Variants in OSBPL6 observed in about 807,000 individuals in gnomAD.
OSBPL6 encodes the protein oxysterol binding protein like 6.
A neutral mutation model predicts 125.8 loss-of-function variants in OSBPL6; 49 were observed. That is an observed-to-expected ratio of 0.39 (90% confidence interval 0.31 to 0.49). The LOEUF (loss-of-function observed/expected upper bound fraction) is 0.49. Among genes scored for constraint, OSBPL6 ranks in the 20% least tolerant of loss-of-function variants. The probability of loss-of-function intolerance (pLI) is 0.88; values close to 1 mark genes in which losing one functional copy is unlikely to be tolerated. For synonymous variants in OSBPL6, 394 were observed against 391.8 expected, an observed-to-expected ratio of 1.01 and a Z score of -0.07; for missense variants, 986 against 1,135.4, an observed-to-expected ratio of 0.87 and a Z score of 1.89.
intron 2 of OSBPL6, among the ~76,000 whole-genome samples, chr2:178,295,663 C>T (rs1685682300): frequency 6.6e-6 from 1 of 152,026 alleles, no homozygotes; most frequent in African/African-American, 2.4e-5. Flanking sequence ...GATTAGTGGA[C>T]AATGGAAGTC....
intron 12 of OSBPL6, among the ~76,000 whole-genome samples, chr2:178,355,891 G>A (rs1691737169): frequency 6.6e-6 from 1 of 152,156 alleles, no homozygotes; most frequent in South Asian, 2.1e-4. Context: ...TATCCACCAC[G>A]ATCAAGTCAG....
At chr2:178,206,311 G>C (rs1434260752) in intron 1 of OSBPL6, among the ~76,000 whole-genome samples, 1 of 152,198 alleles carries the variant, frequency 6.6e-6, no homozygotes, top group African/African-American at 2.4e-5. Flanking sequence ...TGTGTGGTTA[G>C]GGATTATGAG....
intron 20 of OSBPL6, among the ~76,000 whole-genome samples, 166 bp downstream of exon 20, chr2:178,387,305 T>A (rs570500127): frequency 6.6e-6 from 1 of 152,344 alleles, no homozygotes; most frequent in East Asian, 1.9e-4. Context: ...AAATGAGAAC[T>A]TAAGCATATG....
intron 1 of OSBPL6, among the ~76,000 whole-genome samples, chr2:178,234,107 A>G (rs2090949995): frequency 6.6e-6 from 1 of 152,210 alleles, no homozygotes; most frequent in Non-Finnish European, 1.5e-5. Context: ...TATTTTCATA[A>G]CAGTTCTTAA....
rs566147544 is a variant in OSBPL6, at chr2:178,286,521, G to A, written c.-156+1400G>A. 3.3e-5 allele frequency among the ~76,000 whole-genome samples: 5 copies of A among 152,316 alleles called. No individual in the cohort carries two copies. In the East Asian group the frequency reaches 7.7e-4, roughly 23 times the overall value. Reference sequence around the variant, plus strand: ...TGAGAAGCTGACACTTGCCAGCCAGGCTTACCTATGAAGTAAGAAGACTTT... The same window carrying A: ...TGAGAAGCTGACACTTGCCAGCCAGACTTACCTATGAAGTAAGAAGACTTT... On this transcript the variant is annotated intron_variant, in intron 2 of 24. Transcript: ENST00000190611.
At chr2:178,276,075 T>A (rs187612253) in intron 1 of OSBPL6, among the ~76,000 whole-genome samples, 5 of 152,312 alleles carry the variant, frequency 3.3e-5, no homozygotes, top group Admixed American at 3.3e-4. Flanking sequence ...TAAGCTTTGA[T>A]GATAGGATTT....
chr2:178,386,718 CACACAG>C (rs1330407941), intron 19 of OSBPL6, among the ~76,000 whole-genome samples: 35 of 124,268 alleles, frequency 2.8e-4, no homozygotes, highest in African/African-American at 9.8e-4. Context: ...TGAATACACA[CACACAG>C]ACACACACAC....
chr2:178,228,513 T>C (rs577218352), intron 1 of OSBPL6, among the ~76,000 whole-genome samples: 16 of 152,250 alleles, frequency 1.1e-4, no homozygotes, highest in Non-Finnish European at 2.1e-4. Context: ...CCGGCCAGGG[T>C]GACAGAGCGA....
intron 2 of OSBPL6, among the ~76,000 whole-genome samples, chr2:178,295,077 C>G (rs1685628005): frequency 6.6e-6 from 1 of 151,910 alleles, no homozygotes. Context: ...AAACAAGTTC[C>G]TCTTTTATCT....
intron 2 of OSBPL6, among the ~76,000 whole-genome samples, chr2:178,288,032 A>G (rs916734882): frequency 2.0e-5 from 3 of 151,946 alleles, no homozygotes; most frequent in Non-Finnish European, 1.5e-5. Context: ...GTGGAAGAGG[A>G]GAAAGAGTAT....
chr2:178,353,387 T>C (rs988962280), intron 12 of OSBPL6, among the ~76,000 whole-genome samples: 4 of 152,106 alleles, frequency 2.6e-5, no homozygotes, highest in African/African-American at 4.8e-5. Context: ...ATAAATAGTG[T>C]GGAGAGGACC....
rs12478760 is a variant in OSBPL6, at chr2:178,320,324, A to G, written c.103-3853A>G. 0.2 allele frequency: 317,379 copies of G among 1,612,314 alleles called. 33,421 individuals are homozygous for G. The highest frequency in any genetic ancestry group is 0.41 in the Admixed American group (24,350 of 59,974). ...TATTTTTACCAAATTAAAGAGCTAC[A>G]GTGAAATATGTGTTCCAGGTTCCTG... On this transcript the variant is annotated intron_variant, in intron 3 of 24. Transcript: ENST00000190611.
intron 2 of OSBPL6, among the ~76,000 whole-genome samples, chr2:178,298,474 A>G (rs918044885): frequency 2.0e-5 from 3 of 152,164 alleles, no homozygotes; most frequent in Non-Finnish European, 4.4e-5. Context: ...CCCAGGCTGG[A>G]GTGCAGTGGC....
intron 2 of OSBPL6, among the ~76,000 whole-genome samples, chr2:178,299,973 C>T (rs1451239710): frequency 2.0e-5 from 3 of 152,090 alleles, no homozygotes; most frequent in African/African-American, 7.2e-5. Flanking sequence ...TAATGAGGTT[C>T]CTCCAAATTC....
Position 178,306,160 on chromosome 2 carries a change from A to T in OSBPL6, c.-25A>T, listed in dbSNP as rs999504313. ...AGAAGATTGGGATGGTCTTAAGTGC[A>T]TAAAACGAGACTCTAACTGCAGCGA... On this transcript the variant is annotated 5_prime_UTR_variant, in exon 3 of 25. Transcript: ENST00000190611. 2 of 1,489,394 alleles carry T rather than the reference A, an allele frequency of 1.3e-6. No individual in the cohort carries two copies. The highest frequency in any genetic ancestry group is 1.9e-6 in the Non-Finnish European group (2 of 1,066,706). The allele number at this position is 1,489,394 out of a possible 1,614,324, so 92.3% of individuals were successfully genotyped here.
At chr2:178,227,681 A>T (rs1482870415) in intron 1 of OSBPL6, among the ~76,000 whole-genome samples, 1 of 152,238 alleles carries the variant, frequency 6.6e-6, no homozygotes, top group Non-Finnish European at 1.5e-5. Flanking sequence ...TTAAATGGAA[A>T]AATTCTAAAG....
rs1438925793 is a variant in OSBPL6, at chr2:178,396,684, C to T, written c.*1125C>T. ...TGTTTAAATGAATTCTATGCAAAATCATATTTCAAATTTTCATCAAGTGAT... is the reference window on the plus strand; with the variant it reads ...TGTTTAAATGAATTCTATGCAAAATTATATTTCAAATTTTCATCAAGTGAT... On this transcript the variant is annotated 3_prime_UTR_variant, in exon 25 of 25. Coordinates refer to ENST00000190611, the MANE Select transcript of OSBPL6 (RefSeq NM_032523.4). 2 of 152,160 alleles carry T rather than the reference C, an allele frequency of 1.3e-5. No individual in the cohort carries two copies. Among genetic ancestry groups the T allele is most frequent in the African/African-American group, 4.8e-5 (2 of 41,442 alleles). 9.4% of individuals were successfully genotyped at this position (152,160 alleles called of 1,614,324 possible).
chr2:178,204,143 C>T (rs2089412136), intron 1 of OSBPL6, among the ~76,000 whole-genome samples: 1 of 151,516 alleles, frequency 6.6e-6, no homozygotes, highest in East Asian at 1.9e-4. Flanking sequence ...CATGCCTTGG[C>T]CCCCCGAGTA....
chr2:178,354,824 C>T (rs892099368), intron 12 of OSBPL6, among the ~76,000 whole-genome samples: 11 of 151,774 alleles, frequency 7.2e-5, no homozygotes, highest in Admixed American at 5.3e-4. Flanking sequence ...TAAAATTGAC[C>T]ACATAATTGG....
Sources: allele counts gnomAD v4.1 joint callset (sites outside exome capture counted in the v4.1 genomes callset), GRCh38; gene constraint gnomAD v4.1.1; transcripts MANE v1.5; gene names NCBI Gene and HGNC (gene_info 2026-07-23, HGNC 2026-07-21).